Variants in STK39 observed in about 807,000 individuals in gnomAD.
STK39 encodes the protein STE20/SPS1-related proline-alanine-rich protein kinase.
Under a neutral mutation model 77.8 loss-of-function variants are expected in STK39, and 20 were observed. The ratio of observed to expected loss-of-function variants is 0.26; its 90% CI spans 0.18 to 0.37. The LOEUF (loss-of-function observed/expected upper bound fraction) is 0.37, where lower values mean the gene tolerates loss of function less well. STK39 is among the 10% of genes least tolerant of loss of function. The probability of loss-of-function intolerance (pLI) is 1.00; values close to 1 mark genes in which losing one functional copy is unlikely to be tolerated. For synonymous variants in STK39, 246 were observed against 234.1 expected, an observed-to-expected ratio of 1.05 and a Z score of -0.47; for missense variants, 479 against 656.5, an observed-to-expected ratio of 0.73 and a Z score of 2.95.
intron 1 of STK39, among the ~76,000 whole-genome samples, chr2:168,220,945 G>C (rs371919928): frequency 1.3e-5 from 2 of 152,074 alleles, no homozygotes; most frequent in Non-Finnish European, 2.9e-5. Flanking sequence ...CTTTGGCTTC[G>C]AATGCTGATC....
At chr2:167,991,676 C>G (rs1683703766) in intron 16 of STK39, among the ~76,000 whole-genome samples, 1 of 152,180 alleles carries the variant, frequency 6.6e-6, no homozygotes, top group Non-Finnish European at 1.5e-5. Context: ...TAACAAATGA[C>G]CAGGGAATCC....
chr2:168,030,872 G>A (rs1446893866), intron 14 of STK39, among the ~76,000 whole-genome samples: 1 of 152,166 alleles, frequency 6.6e-6, no homozygotes, highest in African/African-American at 2.4e-5. Flanking sequence ...ATTGTTCCTA[G>A]GCATTTGCTA....
At chr2:168,222,993 T>C (rs997405927) in intron 1 of STK39, among the ~76,000 whole-genome samples, 1 of 152,204 alleles carries the variant, frequency 6.6e-6, no homozygotes, top group African/African-American at 2.4e-5. Context: ...TCATTTACTA[T>C]GTATTGCACA....
At chr2:168,183,826 C>T (rs1001341197) in intron 1 of STK39, among the ~76,000 whole-genome samples, 1 of 152,194 alleles carries the variant, frequency 6.6e-6, no homozygotes, top group African/African-American at 2.4e-5. Flanking sequence ...GGGTTCAATC[C>T]AGAATGGTCC....
At chr2:167,976,263 C>T (rs1195536016) in intron 16 of STK39, among the ~76,000 whole-genome samples, 2 of 152,152 alleles carry the variant, frequency 1.3e-5, no homozygotes, top group African/African-American at 4.8e-5. Context: ...TGAGAAAAAA[C>T]AGTAGTTAGA....
chr2:168,201,321 G>A (rs545617124), intron 1 of STK39, among the ~76,000 whole-genome samples: 20 of 152,320 alleles, frequency 1.3e-4, no homozygotes, highest in Admixed American at 9.8e-4. Flanking sequence ...AGAAAGGTGT[G>A]GGTAGAGCAT....
intron 16 of STK39, among the ~76,000 whole-genome samples, chr2:167,989,949 T>C (rs1375721315): frequency 6.6e-6 from 1 of 152,110 alleles, no homozygotes; most frequent in Non-Finnish European, 1.5e-5. Flanking sequence ...GATTAAAATT[T>C]CCAGTTGGCA....
intron 8 of STK39, among the ~76,000 whole-genome samples, chr2:168,134,932 T>C (rs1369420373): frequency 6.6e-6 from 1 of 152,138 alleles, no homozygotes; most frequent in Non-Finnish European, 1.5e-5. Flanking sequence ...ATAATAAAAA[T>C]TGGCAAAAAT....
At chr2:168,211,857 C>T (rs1689899203) in intron 1 of STK39, among the ~76,000 whole-genome samples, 1 of 152,210 alleles carries the variant, frequency 6.6e-6, no homozygotes, top group African/African-American at 2.4e-5. Context: ...GACACAAACA[C>T]TCACTGGTTC....
Position 168,135,380 on chromosome 2 carries a change from C to T in STK39, c.974+2708G>A, listed in dbSNP as rs569697768. ...CTCTCTTCCCATCCTCACAGCGATCCTATGAAGTGGGTATTTTAAGGCCCA... is the reference window on the plus strand; with the variant it reads ...CTCTCTTCCCATCCTCACAGCGATCTTATGAAGTGGGTATTTTAAGGCCCA... On this transcript the variant is annotated intron_variant, in intron 8 of 17. Coordinates refer to ENST00000355999, the MANE Select transcript of STK39 (RefSeq NM_013233.3). 5.9e-5 allele frequency among the ~76,000 whole-genome samples: 9 copies of T among 152,266 alleles called. No homozygotes were observed. The South Asian group carries it at 1.9e-3, about 32-fold the overall frequency.
At chr2:168,086,323 C>T (rs999992519) in intron 10 of STK39, among the ~76,000 whole-genome samples, 13 of 152,154 alleles carry the variant, frequency 8.5e-5, no homozygotes, top group Non-Finnish European at 1.6e-4. Flanking sequence ...TTAATTTACA[C>T]TTACAAAGTA....
At chr2:168,098,582 C>T (rs542835342) in intron 10 of STK39, among the ~76,000 whole-genome samples, 4 of 152,146 alleles carry the variant, frequency 2.6e-5, no homozygotes, top group Non-Finnish European at 5.9e-5. Context: ...TCTCCCACAC[C>T]TCCATCTGAA....
At chr2:168,163,116 T>C (rs183273581) in intron 4 of STK39, among the ~76,000 whole-genome samples, 47 of 152,220 alleles carry the variant, frequency 3.1e-4, no homozygotes, top group African/African-American at 1.0e-3. Flanking sequence ...TACTGGTAAA[T>C]GGCTATTTAC....
chr2:168,172,052 G>T (rs950080065), intron 2 of STK39, among the ~76,000 whole-genome samples: 1 of 152,280 alleles, frequency 6.6e-6, no homozygotes, highest in South Asian at 2.1e-4. Context: ...ACAACTTTGA[G>T]CCTCAGTTTC....
chr2:168,130,473 C>T (rs144510305), intron 8 of STK39, among the ~76,000 whole-genome samples: 9 of 152,296 alleles, frequency 5.9e-5, no homozygotes, highest in African/African-American at 2.2e-4. Context: ...ACACTTCTTA[C>T]AGCAGCACCT....
chr2:168,217,962 T>C (rs1322129230), intron 1 of STK39, among the ~76,000 whole-genome samples: 7 of 152,224 alleles, frequency 4.6e-5, no homozygotes, highest in African/African-American at 1.7e-4. Context: ...GTCCATGTTA[T>C]CATGATTTAG....
At chr2:168,061,091 G>T (rs1685652415) in intron 14 of STK39, among the ~76,000 whole-genome samples, 1 of 152,148 alleles carries the variant, frequency 6.6e-6, no homozygotes, top group Non-Finnish European at 1.5e-5. Context: ...ATCTAGAGTT[G>T]CAGTTCAGAA....
At chr2:168,060,754 T>C (rs1685643820) in intron 14 of STK39, among the ~76,000 whole-genome samples, 1 of 152,204 alleles carries the variant, frequency 6.6e-6, no homozygotes, top group African/African-American at 2.4e-5. Flanking sequence ...ATGATATCCT[T>C]TGGAATAATT....
At chr2:167,970,249 G>A (rs188404875) in intron 16 of STK39, among the ~76,000 whole-genome samples, 58 of 152,282 alleles carry the variant, frequency 3.8e-4, no homozygotes, top group African/African-American at 1.3e-3. Flanking sequence ...ATTTCTGGAT[G>A]CGGCCCTTTA....
Sources: allele counts gnomAD v4.1 joint callset (sites outside exome capture counted in the v4.1 genomes callset), GRCh38; gene constraint gnomAD v4.1.1; transcripts MANE v1.5; gene names NCBI Gene and HGNC (gene_info 2026-07-23, HGNC 2026-07-21).